Variants in TENM2 observed in about 807,000 individuals in gnomAD.
TENM2 encodes the protein teneurin-2.
A neutral mutation model predicts 245.2 loss-of-function variants in TENM2; 52 were observed. That is an observed-to-expected ratio of 0.21 (90% CI 0.17 to 0.27). The LOEUF (loss-of-function observed/expected upper bound fraction) is 0.27, where lower values mean the gene tolerates loss of function less well. Among genes scored for constraint, TENM2 ranks in the 10% least tolerant of loss-of-function variants. The pLI is 1.00. For synonymous variants in TENM2, 1,363 were observed against 1,438.9 expected (o/e 0.95, Z 1.19); for missense variants, 3,046 against 3,666.8 (o/e 0.83, Z 4.37).
intron 2 of TENM2, among the ~76,000 whole-genome samples, chr5:167,833,736 C>T (rs946615956): frequency 2.6e-5 from 4 of 152,192 alleles, no homozygotes; most frequent in Admixed American, 6.5e-5. Context: ...AAAATGTTGA[C>T]GCTTCCTTTT....
the TENM2 span, chr5:167,165,158 C>T: frequency 2.6e-5 from 4 of 152,140 alleles, no homozygotes; most frequent in African/African-American, 9.7e-5. Context: ...AATAAGTAAC[C>T]TTCAAACTTC....
At chr5:167,370,930 C>T (rs566572120) in intron 1 of TENM2, among the ~76,000 whole-genome samples, 12 of 152,102 alleles carry the variant, frequency 7.9e-5, no homozygotes, top group Non-Finnish European at 1.5e-4. Context: ...CATAATTATG[C>T]GAGATGAATT....
intron 2 of TENM2, among the ~76,000 whole-genome samples, chr5:167,532,094 C>G (rs1247291332): frequency 1.3e-5 from 2 of 152,180 alleles, no homozygotes; most frequent in East Asian, 3.9e-4. Context: ...CACCATGAGG[C>G]TCCTGTTAAT....
intron 1 of TENM2, among the ~76,000 whole-genome samples, chr5:167,316,725 TGTC>T (rs1453244816): frequency 6.6e-6 from 1 of 152,206 alleles, no homozygotes; most frequent in East Asian, 1.9e-4. Context: ...AGTCAGATAA[TGTC>T]GACCAATATT....
chr5:167,495,222 TG>T (rs1304375366), intron 2 of TENM2, among the ~76,000 whole-genome samples: 1 of 127,440 alleles, frequency 7.8e-6, no homozygotes, highest in African/African-American at 2.7e-5. Context: ...GTTCCTTTAA[TG>T]TTTTTTTTGT....
chr5:167,594,809 A>C (rs1328868712), intron 2 of TENM2, among the ~76,000 whole-genome samples: 1 of 152,208 alleles, frequency 6.6e-6, no homozygotes, highest in African/African-American at 2.4e-5. Flanking sequence ...GATGACTAAG[A>C]GGAAAATCTG....
chr5:167,414,253 G>C (rs1763052411), intron 2 of TENM2, among the ~76,000 whole-genome samples: 1 of 152,034 alleles, frequency 6.6e-6, no homozygotes. Context: ...TTTTAAGGTT[G>C]ATCTCTCTAA....
At chr5:166,989,517 A>G in the TENM2 span, among the ~76,000 whole-genome samples, 2 of 151,836 alleles carry the variant, frequency 1.3e-5, no homozygotes, top group East Asian at 1.9e-4. Context: ...AAGTGCTGCA[A>G]TTACAGGCAT....
chr5:168,226,673 T>G (rs1764220012), intron 24 of TENM2, among the ~76,000 whole-genome samples: 1 of 152,142 alleles, frequency 6.6e-6, no homozygotes, highest in African/African-American at 2.4e-5. Flanking sequence ...TCTTGTTCCA[T>G]CCTGATTCTC....
chr5:168,178,001 G>A (rs905813963), intron 13 of TENM2, among the ~76,000 whole-genome samples: 4 of 152,126 alleles, frequency 2.6e-5, no homozygotes, highest in Non-Finnish European at 4.4e-5. Context: ...AGCCAAGTCC[G>A]GGCCCTTCTC....
chr5:167,387,861 A>G (rs1042889713), intron 2 of TENM2, among the ~76,000 whole-genome samples: 2 of 152,162 alleles, frequency 1.3e-5, no homozygotes, highest in Non-Finnish European at 1.5e-5. Flanking sequence ...AATCCCTGGT[A>G]TGAAACCCAC....
chr5:167,002,100 A>G, the TENM2 span, among the ~76,000 whole-genome samples: 1 of 152,190 alleles, frequency 6.6e-6, no homozygotes, highest in African/African-American at 2.4e-5. Context: ...AAAAAGAACT[A>G]GGAAAAAAGG....
At chr5:167,295,858 C>T (rs1754921328) in intron 1 of TENM2, among the ~76,000 whole-genome samples, 1 of 152,184 alleles carries the variant, frequency 6.6e-6, no homozygotes, top group Non-Finnish European at 1.5e-5. Flanking sequence ...GCCTTCCTTT[C>T]CACTCAACCT....
chr5:167,186,663 ATG>A, the TENM2 span, among the ~76,000 whole-genome samples: 2 of 152,236 alleles, frequency 1.3e-5, no homozygotes, highest in African/African-American at 4.8e-5. Context: ...GATGAGCTGA[ATG>A]TGGAGCACAG....
chr5:167,992,951 C>G (rs762850713), exon 5 of TENM2: 7 of 1,613,710 alleles, frequency 4.3e-6, no homozygotes, highest in African/African-American at 1.3e-5. Flanking sequence ...CAGGCACTTC[C>G]TCTTCAAGAC....
the TENM2 span, among the ~76,000 whole-genome samples, chr5:167,086,341 G>A: frequency 6.6e-6 from 1 of 152,282 alleles, no homozygotes; most frequent in Middle Eastern, 3.4e-3. Context: ...GCCTCTTAGA[G>A]AAGTCGCTGG....
chr5:167,680,301 T>C (rs1756616047), intron 2 of TENM2, among the ~76,000 whole-genome samples: 1 of 70,438 alleles, frequency 1.4e-5, no homozygotes, highest in Non-Finnish European at 2.7e-5. Flanking sequence ...TGCCCTAACA[T>C]AGAATAAGTT....
At chr5:167,470,236 A>G (rs892360508) in intron 2 of TENM2, among the ~76,000 whole-genome samples, 1 of 152,154 alleles carries the variant, frequency 6.6e-6, no homozygotes, top group Non-Finnish European at 1.5e-5. Flanking sequence ...TGACCCAGAC[A>G]TAAATCACAT....
At chr5:167,444,298 T>TACACACACACACACACACAC (rs140953889) in intron 2 of TENM2, among the ~76,000 whole-genome samples, 2 of 150,500 alleles carry the variant, frequency 1.3e-5, no homozygotes, top group East Asian at 2.0e-4. Flanking sequence ...CACATACACA[T>TACACACACACACACACACAC]ACACACACAC....
Sources: allele counts gnomAD v4.1 joint callset (sites outside exome capture counted in the v4.1 genomes callset), GRCh38; gene constraint gnomAD v4.1.1; transcripts MANE v1.5; gene names NCBI Gene and HGNC (gene_info 2026-07-23, HGNC 2026-07-21).